PPP2R2C: variants seen among roughly 807,000 people sequenced by gnomAD.
PPP2R2C encodes the protein protein phosphatase 2 regulatory subunit Bgamma.
PPP2R2C carries 10 observed loss-of-function variants against 45.3 expected under a neutral mutation model. The observed-to-expected ratio is 0.22, with a 90% CI of 0.14 to 0.37. The LOEUF (loss-of-function observed/expected upper bound fraction) is 0.37. PPP2R2C is among the 10% of genes least tolerant of loss of function. The pLI is 1.00. For missense variants in PPP2R2C, 308 were observed against 619.7 expected (o/e 0.50, Z 5.34); for synonymous variants, 257 against 245.4 (o/e 1.05, Z -0.44).
In PPP2R2C at chr4:6,329,164, G is replaced by A; in HGVS notation, c.1052+98C>T. 1.7e-6 allele frequency: 2 copies of A among 1,150,880 alleles called. No homozygotes were observed. Among genetic ancestry groups the A allele is most frequent in the East Asian group, 2.5e-5 (1 of 40,060 alleles). The allele number at this position is 1,150,880 out of a possible 1,614,324, so 71.3% of individuals were successfully genotyped here. A position where few individuals can be genotyped will look rare whatever the true frequency, so the allele number is the denominator to read the frequency against. Reference sequence around the variant, plus strand: ...CACCTGGACCCATTGAGGCTGAGTAGCCCCATGCTGCGGGTCACCGGAATC... The same window carrying A: ...CACCTGGACCCATTGAGGCTGAGTAACCCCATGCTGCGGGTCACCGGAATC... On this transcript the variant is annotated intron_variant, in intron 8 of 8. Coordinates refer to ENST00000382599, the MANE Select transcript of PPP2R2C (RefSeq NM_020416.4). The surrounding 1 kb of genome is among the most constrained non-coding windows in gnomAD (Gnocchi z 5.8).
At chr4:6,453,164 AC>A (rs1274730968) in intron 1 of PPP2R2C, among the ~76,000 whole-genome samples, 17 of 151,494 alleles carry the variant, frequency 1.1e-4, no homozygotes, top group Admixed American at 5.3e-4. Context: ...CCTTGAAGGG[AC>A]CCCCCCACAG....
At chr4:6,537,157 C>T (rs901076642) in intron 1 of PPP2R2C, among the ~76,000 whole-genome samples, 57 of 151,886 alleles carry the variant, frequency 3.8e-4, no homozygotes, top group African/African-American at 1.3e-3. Flanking sequence ...GAGCCGAGAT[C>T]GCTGCAGTGC....
intron 2 of PPP2R2C, among the ~76,000 whole-genome samples, chr4:6,490,490 T>C (rs1722666412): frequency 1.3e-5 from 2 of 152,220 alleles, no homozygotes; most frequent in South Asian, 2.1e-4. Context: ...CTACAGGACA[T>C]ACTGGAGCAG....
At chr4:6,447,985 G>A (rs1272175281) in intron 1 of PPP2R2C, among the ~76,000 whole-genome samples, 3 of 152,062 alleles carry the variant, frequency 2.0e-5, no homozygotes, top group African/African-American at 7.2e-5. Context: ...ATATTCTCTG[G>A]GCCCTTTTTC....
intron 2 of PPP2R2C, among the ~76,000 whole-genome samples, chr4:6,533,092 T>G (rs749603208): frequency 1.4e-4 from 22 of 152,332 alleles, no homozygotes; most frequent in Non-Finnish European, 1.6e-4. Context: ...TCGGAAAGGC[T>G]GGGCTTGCAA....
At chr4:6,463,703 C>T (rs567070830) in intron 1 of PPP2R2C, among the ~76,000 whole-genome samples, 1 of 152,348 alleles carries the variant, frequency 6.6e-6, no homozygotes, top group East Asian at 1.9e-4. Flanking sequence ...TCCTCCTGCC[C>T]AGAATGCGCT....
intron 6 of PPP2R2C, among the ~76,000 whole-genome samples, chr4:6,334,622 C>G (rs976575266): frequency 6.6e-6 from 1 of 152,132 alleles, no homozygotes; most frequent in African/African-American, 2.4e-5. Context: ...CCCTGTTGGG[C>G]CAGGCACTAA....
At chr4:6,418,689 C>T (rs1352329439) in intron 1 of PPP2R2C, among the ~76,000 whole-genome samples, 1 of 152,218 alleles carries the variant, frequency 6.6e-6, no homozygotes, top group Admixed American at 6.5e-5. Flanking sequence ...GAGTCCTGTG[C>T]TCCCAAAGGG....
rs554579499 is a variant in PPP2R2C, at chr4:6,454,060, C to A, written c.70+18100G>T. Among the ~76,000 whole-genome samples, 51 of 152,302 alleles carry A rather than the reference C, an allele frequency of 3.3e-4. 1 individual carries two copies. The Middle Eastern group carries it at 0.014, about 41-fold the overall frequency. On this transcript the variant is annotated intron_variant, in intron 1 of 8. Transcript: ENST00000382599. ...TATGGGATGTTTTTGCATTTTTTAACAGGAAAATGGCATGGAGAGAGGGAC... is the reference window on the plus strand; with the variant it reads ...TATGGGATGTTTTTGCATTTTTTAAAAGGAAAATGGCATGGAGAGAGGGAC...
chr4:6,519,067 A>G (rs1055429078), intron 2 of PPP2R2C, among the ~76,000 whole-genome samples: 11 of 152,180 alleles, frequency 7.2e-5, no homozygotes, highest in Non-Finnish European at 1.6e-4. Flanking sequence ...TATTTAAGGA[A>G]GAAATTATAG....
intron 1 of PPP2R2C, among the ~76,000 whole-genome samples, chr4:6,420,742 G>C (rs374973631): frequency 1.3e-5 from 2 of 152,266 alleles, no homozygotes; most frequent in African/African-American, 4.8e-5. Context: ...AAGAGGACTG[G>C]TTAAACATGA....
intron 2 of PPP2R2C, among the ~76,000 whole-genome samples, chr4:6,524,465 T>C (rs2108816438): frequency 6.6e-6 from 1 of 152,294 alleles, no homozygotes; most frequent in African/African-American, 2.4e-5. Context: ...CAAAAAACGA[T>C]TCACGAATCA....
intron 1 of PPP2R2C, among the ~76,000 whole-genome samples, chr4:6,390,014 G>A (rs1367753676): frequency 6.6e-6 from 1 of 152,146 alleles, no homozygotes; most frequent in African/African-American, 2.4e-5. Flanking sequence ...GTCTATGAAA[G>A]AGACCCTCAA....
At chr4:6,483,136 T>TTG (rs1560578891) in intron 2 of PPP2R2C, among the ~76,000 whole-genome samples, 8 of 63,000 alleles carry the variant, frequency 1.3e-4, no homozygotes, top group Non-Finnish European at 3.8e-5. Context: ...GATAGATAGA[T>TTG]AGATAGATTG....
intron 1 of PPP2R2C, among the ~76,000 whole-genome samples, chr4:6,419,384 C>A (rs1718815554): frequency 6.6e-6 from 1 of 151,918 alleles, no homozygotes; most frequent in Non-Finnish European, 1.5e-5. Context: ...TGAGATGGTG[C>A]CACTGCCACT....
At chr4:6,535,856 C>G (rs1005000256) in intron 1 of PPP2R2C, among the ~76,000 whole-genome samples, 3 of 152,350 alleles carry the variant, frequency 2.0e-5, no homozygotes, top group African/African-American at 7.2e-5. Flanking sequence ...GATGAGAGCA[C>G]ATGGCCACTG....
At chr4:6,431,186 C>T (rs757542455) in intron 1 of PPP2R2C, among the ~76,000 whole-genome samples, 43 of 152,160 alleles carry the variant, frequency 2.8e-4, no homozygotes, top group Non-Finnish European at 5.3e-4. Flanking sequence ...TGTGCAGGTC[C>T]GTGTTTCCCT....
intron 1 of PPP2R2C, among the ~76,000 whole-genome samples, chr4:6,545,173 G>A (rs1446185268): frequency 6.6e-6 from 1 of 152,116 alleles, no homozygotes; most frequent in Admixed American, 6.5e-5. Context: ...CAGACATTTT[G>A]GAAAAGCTCA....
At chr4:6,343,546 G>A (rs1448394750) in intron 6 of PPP2R2C, among the ~76,000 whole-genome samples, 1 of 152,006 alleles carries the variant, frequency 6.6e-6, no homozygotes, top group African/African-American at 2.4e-5. Context: ...GCAAAACCCT[G>A]TCTCTACTAA....
Sources: gnomAD v4.1 joint callset for allele counts (sites outside exome capture counted in the v4.1 genomes callset) on GRCh38, gnomAD v4.1.1 for gene constraint, Gnocchi (gnomAD v3.1) non-coding constraint, MANE v1.5 for transcripts, NCBI Gene and HGNC (gene_info 2026-07-23, HGNC 2026-07-21) for gene names.